Variants in ZNF609 observed in about 807,000 individuals in gnomAD.
The protein encoded by ZNF609 is zinc finger protein 609.
ZNF609 carries 11 observed loss-of-function variants against 109.5 expected under a neutral mutation model. The observed-to-expected ratio is 0.10, with a 90% CI of 0.06 to 0.17. ZNF609 has a LOEUF of 0.17. ZNF609 is among the 10% of genes least tolerant of loss of function. ZNF609 has a pLI of 1.00. For synonymous variants in ZNF609, 646 were observed against 662.0 expected (o/e 0.98, Z 0.37); for missense variants, 1,559 against 1,772.4 (o/e 0.88, Z 2.16).
intron 3 of ZNF609, chr15:64,631,287 G>A: frequency 1.5e-6 from 1 of 665,172 alleles, no homozygotes. Flanking sequence ...AGCTATCTTG[G>A]CTTTTAGAGA....
intron 2 of ZNF609, among the ~76,000 whole-genome samples, chr15:64,519,090 G>T (rs1209139188): frequency 8.3e-6 from 1 of 120,564 alleles, no homozygotes; most frequent in African/African-American, 3.1e-5. Context: ...CTATAATTAG[G>T]AACTGAACCA....
intron 1 of ZNF609, among the ~76,000 whole-genome samples, chr15:64,473,488 C>T (rs542384572): frequency 1.4e-3 from 207 of 151,844 alleles, no homozygotes; most frequent in Non-Finnish European, 2.3e-3. Flanking sequence ...TGAGCCACCG[C>T]GCCTGGCCTC....
chr15:64,580,783 G>C (rs951645074), intron 2 of ZNF609, among the ~76,000 whole-genome samples: 2 of 151,440 alleles, frequency 1.3e-5, no homozygotes, highest in African/African-American at 4.8e-5. Flanking sequence ...TCCTCCCACC[G>C]TGGCCTCCCA....
intron 2 of ZNF609, among the ~76,000 whole-genome samples, chr15:64,508,297 C>T (rs1893665381): frequency 6.6e-6 from 1 of 152,204 alleles, no homozygotes; most frequent in African/African-American, 2.4e-5. Flanking sequence ...GGAAGGACTT[C>T]AGGCTGAAGT....
chr15:64,511,350 G>A (rs1439746733), intron 2 of ZNF609, among the ~76,000 whole-genome samples: 1 of 151,764 alleles, frequency 6.6e-6, no homozygotes, highest in East Asian at 1.9e-4. Context: ...GCGTGGTGGA[G>A]TGTGCCTGTA....
intron 2 of ZNF609, among the ~76,000 whole-genome samples, chr15:64,572,132 G>C (rs1230153641): frequency 6.6e-6 from 1 of 152,200 alleles, no homozygotes; most frequent in Admixed American, 6.5e-5. Context: ...GCAAAGGCCT[G>C]AGGGGAAATG....
At chr15:64,520,308 C>T (rs1219405168) in intron 2 of ZNF609, among the ~76,000 whole-genome samples, 27 of 152,044 alleles carry the variant, frequency 1.8e-4, no homozygotes, top group Admixed American at 1.7e-3. Flanking sequence ...CATATTCGCT[C>T]CAAGGTAAGA....
At chr15:64,616,858 G>C (rs1266639142) in intron 2 of ZNF609, among the ~76,000 whole-genome samples, 1 of 126,782 alleles carries the variant, frequency 7.9e-6, no homozygotes, top group Non-Finnish European at 1.6e-5. Flanking sequence ...GCCCAGGATG[G>C]AGTACAATTG....
At chr15:64,560,006 C>G (rs1396760484) in intron 2 of ZNF609, among the ~76,000 whole-genome samples, 1 of 152,100 alleles carries the variant, frequency 6.6e-6, no homozygotes, top group Admixed American at 6.6e-5. Context: ...TACCTCTGTC[C>G]AGTATCTAGA....
chr15:64,677,687 G>A (rs1896827062), intron 5 of ZNF609, among the ~76,000 whole-genome samples: 1 of 152,116 alleles, frequency 6.6e-6, no homozygotes, highest in African/African-American at 2.4e-5. Flanking sequence ...TTCCCTCTTG[G>A]TATAATAGTT....
At chr15:64,460,140 T>C (rs552968594), upstream of ZNF609, among the ~76,000 whole-genome samples, 6 of 152,202 alleles carry the variant, frequency 3.9e-5, no homozygotes, top group South Asian at 1.2e-3. Flanking sequence ...GGAGCTGTGA[T>C]TGCTCTTCTG....
At chr15:64,656,452 C>A (rs1032854701) in intron 3 of ZNF609, among the ~76,000 whole-genome samples, 4 of 152,118 alleles carry the variant, frequency 2.6e-5, no homozygotes, top group African/African-American at 9.7e-5. Context: ...ATTAGATCAG[C>A]TTTTTCCATA....
At position 64,654,946 on chromosome 15, in the gene ZNF609, A is replaced by G. The variant is rs556807620; in HGVS notation, c.974-15400A>G. On this transcript the variant is annotated intron_variant, in intron 3 of 9. Transcript: ENST00000326648. ...CCTGTCTCTACTAAAAATACAAACAATTAGCTGAGCGTGGTGATGGGCGCC... is the reference window on the plus strand; with the variant it reads ...CCTGTCTCTACTAAAAATACAAACAGTTAGCTGAGCGTGGTGATGGGCGCC... 1.3e-4 allele frequency among the ~76,000 whole-genome samples: 19 copies of G among 151,956 alleles called. No homozygotes were observed. In the East Asian group the frequency reaches 3.7e-3, roughly 29 times the overall value.
At chr15:64,556,024 C>G (rs1416250653) in intron 2 of ZNF609, among the ~76,000 whole-genome samples, 1 of 148,132 alleles carries the variant, frequency 6.8e-6, no homozygotes, top group South Asian at 2.1e-4. Context: ...CAGGGTCTCT[C>G]TCTGTTGCCC....
At chr15:64,603,619 C>T (rs151227982) in intron 2 of ZNF609, among the ~76,000 whole-genome samples, 14 of 152,112 alleles carry the variant, frequency 9.2e-5, no homozygotes, top group Non-Finnish European at 1.8e-4. Context: ...CTCCCTCCAA[C>T]CCCTTTATGC....
In ZNF609 at chr15:64,673,976, C is replaced by G. The variant is rs752432100; in HGVS notation, c.1122C>G (p.Arg374=). The G allele has an allele frequency of 2.5e-6, 4 of 1,614,220 alleles. No homozygotes were observed. The South Asian group carries it at 4.4e-5, about 18-fold the overall frequency. ...EMRNGRGRGK[R]MRPNSNTPVN... is the part of the protein sequence containing the mutation. ...GCAATGGCCGGGGTAGAGGCAAACG[C>G]ATGCGTCCCAACAGTAATACACCTG... Residue 374 remains arginine, a synonymous_variant, in exon 5 of 10, where the codon CGC becomes CGG. Coordinates refer to ENST00000326648, the MANE Select transcript of ZNF609 (RefSeq NM_015042.2).
At chr15:64,529,082 C>T in intron 2 of ZNF609, 1 of 1,029,710 alleles carries the variant, frequency 9.7e-7, no homozygotes, top group Non-Finnish European at 1.5e-6. Context: ...CTGCAGCCAT[C>T]ACGTGACAGT....
At chr15:64,613,182 A>T (rs1430120395) in intron 2 of ZNF609, among the ~76,000 whole-genome samples, 1 of 151,912 alleles carries the variant, frequency 6.6e-6, no homozygotes, top group East Asian at 1.9e-4. Flanking sequence ...TTAACCAGTC[A>T]TGGTGGCGTG....
intron 3 of ZNF609, among the ~76,000 whole-genome samples, chr15:64,641,785 T>C (rs899552854): frequency 6.6e-6 from 1 of 152,122 alleles, no homozygotes; most frequent in Non-Finnish European, 1.5e-5. Context: ...CTCCAGAGGC[T>C]TTGAACATTT....
Sources: gnomAD v4.1 joint callset for allele counts (sites outside exome capture counted in the v4.1 genomes callset) on GRCh38, gnomAD v4.1.1 for gene constraint, MANE v1.5 for transcripts, NCBI Gene and HGNC (gene_info 2026-07-23, HGNC 2026-07-21) for gene names.